Variants in MCOLN2 observed in about 807,000 individuals in gnomAD.
MCOLN2 encodes mucolipin TRP cation channel 2.
In MCOLN2, 57 loss-of-function variants were observed where a neutral mutation model predicts 67.5. That is an observed-to-expected ratio of 0.84 (90% CI 0.68 to 1.05). The LOEUF (loss-of-function observed/expected upper bound fraction) is 1.05. Among genes scored for constraint, MCOLN2 ranks in the 50% least tolerant of loss-of-function variants. The pLI is 0.00. For synonymous variants in MCOLN2, 246 were observed against 233.3 expected (o/e 1.05, Z -0.50); for missense variants, 620 against 678.8 (o/e 0.91, Z 0.96).
chr1:84,941,725 ACCACTCAGAATCCCCACT>A (rs1485712653), intron 7 of MCOLN2, among the ~76,000 whole-genome samples: 2 of 152,108 alleles, frequency 1.3e-5, no homozygotes, highest in African/African-American at 4.8e-5. Context: ...TTAAAACACC[ACCACTCAGAATCCCCACT>A]TCTGCTTCTC....
At chr1:84,969,827 C>T (rs950123664) in intron 1 of MCOLN2, among the ~76,000 whole-genome samples, 1 of 152,088 alleles carries the variant, frequency 6.6e-6, no homozygotes, top group Non-Finnish European at 1.5e-5. Context: ...TAAAGAGTTC[C>T]GTGAATGCTG....
At chr1:84,954,844 C>T (rs1326192065) in intron 4 of MCOLN2, among the ~76,000 whole-genome samples, 4 of 152,188 alleles carry the variant, frequency 2.6e-5, no homozygotes, top group Admixed American at 2.6e-4. Context: ...AGCTCACATT[C>T]TAGTGGGGGA....
intron 1 of MCOLN2, among the ~76,000 whole-genome samples, chr1:84,983,610 C>T (rs538798432): frequency 1.4e-4 from 22 of 151,794 alleles, no homozygotes; most frequent in African/African-American, 4.3e-4. Context: ...ACCCCACCTC[C>T]GATTTCTGTT....
intron 9 of MCOLN2, 64 bp downstream of exon 9, chr1:84,939,489 T>C: frequency 2.6e-6 from 4 of 1,526,930 alleles, no homozygotes; most frequent in Non-Finnish European, 3.6e-6. Flanking sequence ...ATGGTACGTC[T>C]TAAGATGCCT....
intron 1 of MCOLN2, among the ~76,000 whole-genome samples, chr1:84,994,654 A>G (rs1651059209): frequency 6.6e-6 from 1 of 152,186 alleles, no homozygotes; most frequent in African/African-American, 2.4e-5. Flanking sequence ...CCTGCTCTAG[A>G]TTATGCTTTA....
Position 84,978,812 on chromosome 1 carries a change from A to G in MCOLN2, c.78-13104T>C, listed in dbSNP as rs530243926. On this transcript the variant is annotated intron_variant, in intron 1 of 13. Transcript: ENST00000370608. ...TATATGTGTATAAATATATATATAC[A>G]CACACACACATATACATATATACAT... Among the ~76,000 whole-genome samples the G allele has an allele frequency of 2.6e-5, 4 of 152,066 alleles. No homozygotes were observed. In the South Asian group the frequency reaches 8.3e-4, roughly 32 times the overall value.
In MCOLN2 at chr1:84,937,988, G is replaced by T; in HGVS notation, c.1205C>A (p.Ala402Glu). Residue 402 changes from alanine (A) to glutamate (E), a missense_variant, in exon 10 of 14, where the codon GCA (alanine) becomes GAA (glutamate). Coordinates refer to ENST00000370608, the MANE Select transcript of MCOLN2 (RefSeq NM_153259.4). The stretch of plus-strand genomic sequence containing the variant: ...CCGGTGCCGCATCCTTACATTATAT[G>T]CCTGGAAATAACCCAGGTATCTGAT... ...GVIRYLGYFQ[A>E]YNVLILTMQA... 2 of 1,613,190 alleles carry T rather than the reference G, an allele frequency of 1.2e-6. No homozygotes were observed. The highest frequency in any genetic ancestry group is 1.7e-6 in the Non-Finnish European group (2 of 1,179,142).
At chr1:84,946,899 CT>C in intron 7 of MCOLN2, 133 bp downstream of exon 7, 2 of 570,638 alleles carry the variant, frequency 3.5e-6, no homozygotes, top group Non-Finnish European at 6.3e-6. Flanking sequence ...TTGGGATATT[CT>C]TTACAGGATC....
At chr1:84,979,863 T>C (rs1039362996) in intron 1 of MCOLN2, among the ~76,000 whole-genome samples, 2 of 152,068 alleles carry the variant, frequency 1.3e-5, no homozygotes, top group African/African-American at 4.8e-5. Flanking sequence ...GGTATCCAAA[T>C]TGGAAAGGAA....
At chr1:84,936,954 C>T (rs1408719720) in intron 11 of MCOLN2, among the ~76,000 whole-genome samples, 4 of 152,136 alleles carry the variant, frequency 2.6e-5, no homozygotes, top group Non-Finnish European at 4.4e-5. Context: ...GAAAGAACAC[C>T]GAAATGCCCA....
chr1:84,940,759 G>C, intron 8 of MCOLN2, 120 bp downstream of exon 8: 1 of 629,008 alleles, frequency 1.6e-6, no homozygotes, highest in Non-Finnish European at 2.8e-6. Flanking sequence ...CTACTCAAAG[G>C]AATCTGATTT....
intron 6 of MCOLN2, among the ~76,000 whole-genome samples, chr1:84,951,822 C>T (rs1648486929): frequency 2.0e-5 from 3 of 152,184 alleles, no homozygotes; most frequent in Non-Finnish European, 4.4e-5. Context: ...CCTGTAATCC[C>T]AGCATTTTGG....
chr1:84,990,681 G>A (rs1399558702), intron 1 of MCOLN2, among the ~76,000 whole-genome samples: 1 of 152,108 alleles, frequency 6.6e-6, no homozygotes, highest in Non-Finnish European at 1.5e-5. Flanking sequence ...GCTTTGGGAA[G>A]CTGAGGCAGG....
At chr1:84,937,704 T>G in intron 11 of MCOLN2, 51 bp downstream of exon 11, 1 of 1,604,750 alleles carries the variant, frequency 6.2e-7, no homozygotes, top group Non-Finnish European at 8.5e-7. Flanking sequence ...AAACCCACGT[T>G]CAAGGGTCCC....
intron 1 of MCOLN2, among the ~76,000 whole-genome samples, chr1:84,982,009 T>A (rs1330604221): frequency 6.7e-6 from 1 of 149,860 alleles, no homozygotes; most frequent in Non-Finnish European, 1.5e-5. Context: ...ATTGTAAAAC[T>A]AATGTAAGCC....
intron 4 of MCOLN2, among the ~76,000 whole-genome samples, chr1:84,953,643 C>G (rs968833879): frequency 4.0e-5 from 6 of 151,372 alleles, no homozygotes; most frequent in Admixed American, 6.6e-5. Context: ...TCTGGTAAGT[C>G]TGGCACTTTT....
intron 2 of MCOLN2, among the ~76,000 whole-genome samples, chr1:84,962,092 A>T (rs1488502302): frequency 6.6e-6 from 1 of 152,242 alleles, no homozygotes; most frequent in African/African-American, 2.4e-5. Context: ...AAAGGTGATC[A>T]AGAAATCTGC....
At chr1:84,964,083 C>T (rs1423060378) in intron 2 of MCOLN2, among the ~76,000 whole-genome samples, 4 of 152,118 alleles carry the variant, frequency 2.6e-5, no homozygotes, top group Non-Finnish European at 5.9e-5. Flanking sequence ...TTGCCAAGAC[C>T]AAAACTTCAA....
intron 2 of MCOLN2, among the ~76,000 whole-genome samples, chr1:84,960,990 AT>A (rs1649059779): frequency 6.6e-6 from 1 of 152,198 alleles, no homozygotes; most frequent in African/African-American, 2.4e-5. Flanking sequence ...ACACCCTATT[AT>A]TACACTGGGC....
Sources: gnomAD v4.1 joint callset for allele counts (sites outside exome capture counted in the v4.1 genomes callset) on GRCh38, gnomAD v4.1.1 for gene constraint, MANE v1.5 for transcripts, NCBI Gene and HGNC (gene_info 2026-07-23, HGNC 2026-07-21) for gene names.